Variants in METTL8 observed in about 807,000 individuals in gnomAD.
METTL8 encodes methyltransferase 8, tRNA N3-cytidine.
METTL8 carries 32 observed loss-of-function variants against 48.7 expected under a neutral mutation model. The observed-to-expected ratio is 0.66, with a 90% CI of 0.50 to 0.88. METTL8 has a LOEUF of 0.88. Ranked by LOEUF, METTL8 falls within the 40% of genes least tolerant of loss-of-function variation. The pLI, the probability that METTL8 is intolerant of heterozygous loss-of-function variation, is 0.00. For synonymous variants in METTL8, 136 were observed against 157.1 expected (o/e 0.87, Z 1.01); for missense variants, 464 against 474.4 (o/e 0.98, Z 0.20).
In METTL8 at chr2:171,347,869, G is replaced by A. The variant is rs78825515; in HGVS notation, c.236-8315C>T. ...TGGCCATATTCCCCTCAAAGACTTC[G>A]TGGTTGAAGCTCATAAAAATAGAAT... On this transcript the variant is annotated intron_variant, in intron 3 of 9. Transcript: ENST00000375258. 8.0e-3 allele frequency among the ~76,000 whole-genome samples: 1,224 copies of A among 152,272 alleles called. 16 individuals are homozygous for A. The highest frequency in any genetic ancestry group is 0.028 in the African/African-American group (1,170 of 41,544).
rs939085762 is a variant in METTL8, at chr2:171,336,264, T to C, written c.656+1189A>G. On this transcript the variant is annotated intron_variant, in intron 5 of 9. Coordinates refer to ENST00000375258, the MANE Select transcript of METTL8 (RefSeq NM_001321154.2). ...GCGCCCGCCACCACACCCAGCTAAT[T>C]TTTTGTATTTTTAGTAGAGATGGGG... Among the ~76,000 whole-genome samples the C allele has an allele frequency of 3.9e-4, 58 of 150,568 alleles. No individual in the cohort carries two copies. The Middle Eastern group carries it at 0.014, about 35-fold the overall frequency.
At chr2:171,432,593 A>T (rs541263855) in intron 1 of METTL8, among the ~76,000 whole-genome samples, 1 of 152,208 alleles carries the variant, frequency 6.6e-6, no homozygotes, top group Non-Finnish European at 1.5e-5. Flanking sequence ...TGAATTACCA[A>T]ATTAACTATT....
chr2:171,335,604 T>C (rs551614752), intron 5 of METTL8, among the ~76,000 whole-genome samples: 62 of 152,094 alleles, frequency 4.1e-4, no homozygotes, highest in Non-Finnish European at 6.9e-4. Flanking sequence ...TTTGTATTTT[T>C]AGTAGAGACA....
chr2:171,379,593 T>C (rs1207159111), intron 2 of METTL8, among the ~76,000 whole-genome samples: 2 of 151,984 alleles, frequency 1.3e-5, no homozygotes, highest in African/African-American at 2.4e-5. Context: ...CCCACGGAAA[T>C]ACAAACTACC....
At chr2:171,384,616 G>A (rs1687870631) in intron 2 of METTL8, among the ~76,000 whole-genome samples, 1 of 152,058 alleles carries the variant, frequency 6.6e-6, no homozygotes, top group South Asian at 2.1e-4. Context: ...GACTGCTTCA[G>A]CCTAGGAGTT....
intron 3 of METTL8, among the ~76,000 whole-genome samples, chr2:171,350,918 G>A (rs1683843815): frequency 6.6e-6 from 1 of 152,156 alleles, no homozygotes; most frequent in South Asian, 2.1e-4. Context: ...TAGGTTGCCT[G>A]TTCACTCTGA....
Position 171,321,751 on chromosome 2 carries a change from T to C in METTL8, c.*2421A>G, listed in dbSNP as rs1019219919. ...CAGGTTTGGGATATGCACATTTTGT[T>C]TTGCCAGCTGTACTCTATTTATGCT... On this transcript the variant is annotated 3_prime_UTR_variant, in exon 10 of 10. Transcript: ENST00000375258. The C allele has an allele frequency of 6.6e-6, 1 of 152,148 alleles. No individual in the cohort carries two copies. Among genetic ancestry groups the C allele is most frequent in the Non-Finnish European group, 1.5e-5 (1 of 68,032 alleles). The allele number at this position is 152,148 out of a possible 1,614,324, so 9.4% of individuals were successfully genotyped here. A position where few individuals can be genotyped will look rare whatever the true frequency, so the allele number is the denominator to read the frequency against.
rs1237147220 is a variant in METTL8 at position 171,320,193 on chromosome 2, T to C, written c.*3979A>G. 6.7e-6 allele frequency: 1 copy of C among 149,836 alleles called. No homozygotes were observed. The highest frequency in any genetic ancestry group is 1.5e-5 in the Non-Finnish European group (1 of 67,322). 9.3% of individuals were successfully genotyped at this position (149,836 alleles called of 1,614,324 possible). A position where few individuals can be genotyped will look rare whatever the true frequency, so the allele number is the denominator to read the frequency against. On this transcript the variant is annotated 3_prime_UTR_variant, in exon 10 of 10. Transcript: ENST00000375258. The stretch of plus-strand genomic sequence containing the variant: ...GCAGCAAACCCCGAGAAGGAAGTTG[T>C]TGTAGGTAGGTTAAGAGACAGAAAG...
Position 171,339,492 on chromosome 2 carries a change from ACTTATT to A in METTL8, c.292_297del (p.Asn98_Lys99del), listed in dbSNP as rs763290595. ...AACAGCCAATTACGATCCTTGAAAA[ACTTATT>A]CTTATGAATCTTGTAAAATGTGTCC... On this transcript the variant is annotated inframe_deletion, in exon 4 of 10. Coordinates refer to ENST00000375258, the MANE Select transcript of METTL8 (RefSeq NM_001321154.2). The A allele has an allele frequency of 9.4e-5, 152 of 1,612,038 alleles. No individual in the cohort carries two copies. Among genetic ancestry groups the A allele is most frequent in the Non-Finnish European group, 1.2e-4 (145 of 1,178,728 alleles).
At chr2:171,353,491 C>G (rs1174075183) in intron 3 of METTL8, among the ~76,000 whole-genome samples, 1 of 152,146 alleles carries the variant, frequency 6.6e-6, no homozygotes, top group Non-Finnish European at 1.5e-5. Flanking sequence ...GGTCCACTTG[C>G]TGCAGAGCTG....
rs1467810629 is a variant in METTL8, at chr2:171,321,639, T to C, written c.*2533A>G. ...GTTCTTTCAAGAGAGTATTTATTTA[T>C]TCTAGGTTCTGTGGTTCATAATCAA... is the stretch of plus-strand genomic sequence containing the variant. On this transcript the variant is annotated 3_prime_UTR_variant, in exon 10 of 10. Transcript: ENST00000375258. 1 of 152,212 alleles carries C rather than the reference T, an allele frequency of 6.6e-6. No individual in the cohort carries two copies. Among genetic ancestry groups the C allele is most frequent in the Non-Finnish European group, 1.5e-5 (1 of 68,042 alleles). The allele number at this position is 152,212 out of a possible 1,614,324, so 9.4% of individuals were successfully genotyped here.
chr2:171,351,230 C>T (rs1559089707), intron 3 of METTL8, among the ~76,000 whole-genome samples: 1 of 152,152 alleles, frequency 6.6e-6, no homozygotes, highest in Non-Finnish European at 1.5e-5. Context: ...ATCCTTTCCC[C>T]ATTTCTTGTT....
chr2:171,427,411 T>C (rs1049986709), intron 1 of METTL8, among the ~76,000 whole-genome samples: 4 of 152,218 alleles, frequency 2.6e-5, no homozygotes, highest in Non-Finnish European at 2.9e-5. Flanking sequence ...CAAAGCCTCC[T>C]ATCAGAATAA....
At chr2:171,381,775 G>A (rs950325391) in intron 2 of METTL8, among the ~76,000 whole-genome samples, 3 of 147,524 alleles carry the variant, frequency 2.0e-5, no homozygotes, top group Non-Finnish European at 4.5e-5. Context: ...GGACAATTAG[G>A]AACACTTTTT....
intron 7 of METTL8, 108 bp from the exon 8 acceptor site, chr2:171,326,256 G>A: frequency 1.6e-6 from 1 of 633,244 alleles, no homozygotes; most frequent in East Asian, 2.9e-5. Flanking sequence ...TAAGGCCAAA[G>A]AAATCTAAAC....
intron 2 of METTL8, among the ~76,000 whole-genome samples, chr2:171,371,836 C>CTATTATTATTAT (rs4027587): frequency 0.01 from 1,507 of 143,842 alleles, 15 homozygotes; most frequent in African/African-American, 0.026. Context: ...GTTATTATTA[C>CTATTATTATTAT]TATTATTATT....
At chr2:171,346,389 T>A (rs1687270643) in intron 3 of METTL8, among the ~76,000 whole-genome samples, 1 of 152,222 alleles carries the variant, frequency 6.6e-6, no homozygotes. Context: ...GCAAGACTAT[T>A]ATTTGTGATG....
At chr2:171,392,367 C>G (rs1338450765) in intron 1 of METTL8, among the ~76,000 whole-genome samples, 170 bp from the exon 2 acceptor site, 2 of 152,050 alleles carry the variant, frequency 1.3e-5, no homozygotes, top group African/African-American at 2.4e-5. Context: ...ATATTCAGGC[C>G]AAGAGATGGG....
chr2:171,369,673 AC>A (rs1195486298), intron 2 of METTL8, among the ~76,000 whole-genome samples: 1 of 152,244 alleles, frequency 6.6e-6, no homozygotes, highest in Non-Finnish European at 1.5e-5. Flanking sequence ...GGGTCCTGAG[AC>A]CAAAATGTTT....
Sources: gnomAD v4.1 joint callset for allele counts (sites outside exome capture counted in the v4.1 genomes callset) on GRCh38, gnomAD v4.1.1 for gene constraint, MANE v1.5 for transcripts, NCBI Gene and HGNC (gene_info 2026-07-23, HGNC 2026-07-21) for gene names.